Variants in CAST observed in about 807,000 individuals in gnomAD.
The protein encoded by CAST is MIR583 host.
Under a neutral mutation model 119.6 loss-of-function variants are expected in CAST, and 76 were observed. That is an observed-to-expected ratio of 0.64 (90% confidence interval 0.53 to 0.77). CAST has a LOEUF of 0.77. Among genes scored for constraint, CAST ranks in the 30% least tolerant of loss-of-function variants. The pLI is 0.00. For missense variants in CAST, 953 were observed against 946.5 expected (o/e 1.01, Z -0.09); for synonymous variants, 319 against 331.6 (o/e 0.96, Z 0.41).
chr5:96,644,891 G>A (rs1316623585), intron 1 of CAST, among the ~76,000 whole-genome samples: 1 of 152,142 alleles, frequency 6.6e-6, no homozygotes, highest in Non-Finnish European at 1.5e-5. Flanking sequence ...CAGGAGAATC[G>A]CTTGAGCCTG....
the CAST span, among the ~76,000 whole-genome samples, chr5:96,050,501 G>T: frequency 1.3e-5 from 2 of 152,216 alleles, 1 homozygote; most frequent in South Asian, 4.1e-4. Flanking sequence ...ACAGATAAAA[G>T]TGTGGGTTGA....
At chr5:96,530,558 A>G (rs1057508054) in intron 1 of CAST, among the ~76,000 whole-genome samples, 1 of 152,172 alleles carries the variant, frequency 6.6e-6, no homozygotes, top group Non-Finnish European at 1.5e-5. Context: ...CTTTAAAACA[A>G]TGTAGTGAAA....
chr5:96,237,926 T>A, the CAST span, among the ~76,000 whole-genome samples: 2 of 152,082 alleles, frequency 1.3e-5, no homozygotes, highest in Non-Finnish European at 2.9e-5. Flanking sequence ...TCCTTTGGGT[T>A]TACTTTATCC....
the CAST span, among the ~76,000 whole-genome samples, chr5:96,342,449 C>T: frequency 1.3e-5 from 2 of 152,118 alleles, no homozygotes; most frequent in Non-Finnish European, 2.9e-5. Context: ...ACATTTTGAA[C>T]AAGTGCTCAG....
the CAST span, among the ~76,000 whole-genome samples, chr5:95,984,016 C>T: frequency 6.6e-6 from 1 of 152,122 alleles, no homozygotes; most frequent in African/African-American, 2.4e-5. Context: ...GAATGCAAAC[C>T]TATACTCCTG....
At chr5:96,014,160 C>CT in the CAST span, among the ~76,000 whole-genome samples, 1 of 127,390 alleles carries the variant, frequency 7.8e-6, no homozygotes, top group Non-Finnish European at 1.7e-5. Context: ...TTTTTTTTTA[C>CT]TTTTAAATTT....
the CAST span, chr5:95,961,781 G>C: frequency 6.7e-7 from 1 of 1,501,822 alleles, no homozygotes. Flanking sequence ...CACTGCGGCC[G>C]CGGCTGCTTG....
chr5:96,011,898 C>G, the CAST span, among the ~76,000 whole-genome samples: 1 of 152,014 alleles, frequency 6.6e-6, no homozygotes, highest in Non-Finnish European at 1.5e-5. Flanking sequence ...GATGCAAATA[C>G]TCTATATTTA....
the CAST span, chr5:96,416,209 T>A: frequency 2.0e-5 from 18 of 913,508 alleles, no homozygotes; most frequent in Middle Eastern, 8.5e-4. Context: ...CATAGGTATA[T>A]TAACTTTTTG....
At chr5:96,289,069 C>T in the CAST span, among the ~76,000 whole-genome samples, 2 of 150,592 alleles carry the variant, frequency 1.3e-5, no homozygotes, top group Non-Finnish European at 2.9e-5. Flanking sequence ...GCTGCTTTCC[C>T]ACAATGCTCA....
chr5:96,456,071 G>A, the CAST span, among the ~76,000 whole-genome samples: 22 of 152,070 alleles, frequency 1.4e-4, no homozygotes, highest in African/African-American at 5.1e-4. Flanking sequence ...CCTCATTCTC[G>A]GTATTTGTAA....
the CAST span, among the ~76,000 whole-genome samples, chr5:96,123,969 C>G: frequency 6.6e-6 from 1 of 152,018 alleles, no homozygotes; most frequent in Admixed American, 6.6e-5. Context: ...TCAGTTACCT[C>G]TTGTTTCCAT....
chr5:96,095,718 T>A, the CAST span, among the ~76,000 whole-genome samples: 1 of 152,048 alleles, frequency 6.6e-6, no homozygotes, highest in African/African-American at 2.4e-5. Flanking sequence ...TATGATAGAA[T>A]CATCACATTC....
chr5:96,124,955 A>C, the CAST span, among the ~76,000 whole-genome samples: 1 of 152,264 alleles, frequency 6.6e-6, no homozygotes, highest in African/African-American at 2.4e-5. Flanking sequence ...TAGACTTTAA[A>C]GACTAGCCTT....
chr5:96,722,761 A>C, intron 4 of CAST, 63 bp downstream of exon 4: 1 of 1,117,578 alleles, frequency 8.9e-7, no homozygotes, highest in Non-Finnish European at 1.4e-6. Flanking sequence ...AGCAAAACAA[A>C]TGTAGACTAA....
the CAST span, among the ~76,000 whole-genome samples, chr5:96,007,131 T>G: frequency 1.3e-5 from 2 of 152,222 alleles, no homozygotes; most frequent in Admixed American, 1.3e-4. Flanking sequence ...TTGACCAGTT[T>G]GCTTCCATTA....
chr5:96,686,253 T>C (rs181128836), intron 2 of CAST, among the ~76,000 whole-genome samples: 26 of 152,256 alleles, frequency 1.7e-4, no homozygotes, highest in Admixed American at 2.6e-4. Context: ...TTAAAGCAAT[T>C]CCTTTGAAAC....
At chr5:96,201,970 AAT>A in the CAST span, among the ~76,000 whole-genome samples, 1,099 of 148,946 alleles carry the variant, frequency 7.4e-3, 18 homozygotes, top group African/African-American at 0.027. Flanking sequence ...AATAAAATAA[AAT>A]AAGATGAAAT....
At chr5:96,274,488 C>G in the CAST span, among the ~76,000 whole-genome samples, 1 of 152,146 alleles carries the variant, frequency 6.6e-6, no homozygotes, top group African/African-American at 2.4e-5. Flanking sequence ...TATATTTACT[C>G]CTTATTCTAA....
Sources: gnomAD v4.1 joint callset for allele counts (sites outside exome capture counted in the v4.1 genomes callset) on GRCh38, gnomAD v4.1.1 for gene constraint, MANE v1.5 for transcripts, NCBI Gene and HGNC (gene_info 2026-07-23, HGNC 2026-07-21) for gene names.